RTKN2: variants seen among roughly 807,000 people sequenced by gnomAD.
The protein encoded by RTKN2 is rhotekin-2.
Under a neutral mutation model 71.5 loss-of-function variants are expected in RTKN2, and 69 were observed. That is an observed-to-expected ratio of 0.96 (90% CI 0.79 to 1.18). RTKN2 has a LOEUF of 1.18. RTKN2 is among the 50% of genes most tolerant of loss of function. The probability of loss-of-function intolerance (pLI) is 0.00; values close to 1 mark genes in which losing one functional copy is unlikely to be tolerated. For missense variants in RTKN2, 724 were observed against 719.7 expected (o/e 1.01, Z -0.07); for synonymous variants, 236 against 236.5 (o/e 1.00, Z 0.02).
chr10:62,213,940 A>T (rs1045269578), intron 9 of RTKN2, among the ~76,000 whole-genome samples: 3 of 152,040 alleles, frequency 2.0e-5, no homozygotes, highest in Admixed American at 1.3e-4. Flanking sequence ...TGACTGGGAT[A>T]GTGCTTGATT....
rs1034236336 is a variant in RTKN2, at chr10:62,195,933, C to G, written c.*1975G>C. On this transcript the variant is annotated 3_prime_UTR_variant, in exon 12 of 12. Coordinates refer to ENST00000373789, the MANE Select transcript of RTKN2 (RefSeq NM_145307.4). ...TAGGTAATTTCTGTATGAATACTTTCTTTTTCTTATACACCTTAAGTCCTT... is the reference window on the plus strand; with the variant it reads ...TAGGTAATTTCTGTATGAATACTTTGTTTTTCTTATACACCTTAAGTCCTT... 6 of 985,150 alleles carry G rather than the reference C, an allele frequency of 6.1e-6. No homozygotes were observed. The South Asian group carries it at 2.3e-4, about 39-fold the overall frequency. The allele number at this position is 985,150 out of a possible 1,614,324, so 61.0% of individuals were successfully genotyped here.
chr10:62,237,528 T>C (rs1439083073), intron 5 of RTKN2, among the ~76,000 whole-genome samples: 1 of 151,944 alleles, frequency 6.6e-6, no homozygotes. Context: ...CCCTGGTCAT[T>C]TTGTTGCCAA....
chr10:62,225,433 A>C (rs1037156698), intron 6 of RTKN2, among the ~76,000 whole-genome samples: 3 of 152,230 alleles, frequency 2.0e-5, no homozygotes, highest in Admixed American at 2.0e-4. Context: ...GTCTCTACAC[A>C]AATCAAAGTT....
chr10:62,190,173 C>A (rs543047581), downstream of RTKN2, among the ~76,000 whole-genome samples: 10 of 152,186 alleles, frequency 6.6e-5, no homozygotes, highest in South Asian at 2.1e-3. Flanking sequence ...GGCTTTAATG[C>A]AAAGGAATAC....
intron 4 of RTKN2, 101 bp downstream of exon 4, chr10:62,241,041 A>G (rs1268235495): frequency 3.1e-6 from 2 of 637,526 alleles, no homozygotes; most frequent in South Asian, 2.0e-5. Context: ...CTTTCAAATG[A>G]CATCAATTTA....
chr10:62,195,069 G>A lies in RTKN2; in HGVS notation c.*2839C>T, dbSNP rs907011088. On this transcript the variant is annotated 3_prime_UTR_variant, in exon 12 of 12. Coordinates refer to ENST00000373789, the MANE Select transcript of RTKN2 (RefSeq NM_145307.4). ...CCTTGCAAGATATTAAAATACAAAA[G>A]TTACCACTTAGTAGCAATTAAAAAT... 1.0e-6 allele frequency: 1 copy of A among 984,414 alleles called. No individual in the cohort carries two copies. The highest frequency in any genetic ancestry group is 1.2e-6 in the Non-Finnish European group (1 of 829,028). The allele number at this position is 984,414 out of a possible 1,614,324, so 61.0% of individuals were successfully genotyped here. A position where few individuals can be genotyped will look rare whatever the true frequency, so the allele number is the denominator to read the frequency against.
At position 62,233,947 on chromosome 10, in the gene RTKN2, A is replaced by C. The variant is rs906169686; in HGVS notation, c.686+2119T>G. Among the ~76,000 whole-genome samples the C allele has an allele frequency of 5.3e-5, 8 of 152,230 alleles. No homozygotes were observed. In the East Asian group the frequency reaches 7.7e-4, roughly 15 times the overall value. ...ATTCTAGGAATGCAGCTTGATCAAC[A>C]GTGTTCCAAAGAAACATCAACATAA... On this transcript the variant is annotated intron_variant, in intron 6 of 11. Coordinates refer to ENST00000373789, the MANE Select transcript of RTKN2 (RefSeq NM_145307.4).
chr10:62,235,249 T>C (rs560815117), intron 6 of RTKN2, among the ~76,000 whole-genome samples: 3 of 152,264 alleles, frequency 2.0e-5, no homozygotes, highest in South Asian at 2.1e-4. Flanking sequence ...TTTTCCAGAA[T>C]TGGGCAATAT....
rs1841342309 is a variant in RTKN2 at position 62,196,876 on chromosome 10, TGTTTGG to T, written c.*1026_*1031del. On this transcript the variant is annotated 3_prime_UTR_variant, in exon 12 of 12. Coordinates refer to ENST00000373789, the MANE Select transcript of RTKN2 (RefSeq NM_145307.4). ...TATTCCTCACTTGACTTTATAATCC[TGTTTGG>T]GTCACTATGATTAGTTGCTATGGAA... 1 of 983,064 alleles carries T rather than the reference TGTTTGG, an allele frequency of 1.0e-6. No individual in the cohort carries two copies. Among genetic ancestry groups the T allele is most frequent in the South Asian group, 4.7e-5 (1 of 21,246 alleles). The allele number at this position is 983,064 out of a possible 1,614,324, so 60.9% of individuals were successfully genotyped here. A position where few individuals can be genotyped will look rare whatever the true frequency, so the allele number is the denominator to read the frequency against.
chr10:62,229,529 G>A (rs1273828552), intron 6 of RTKN2, among the ~76,000 whole-genome samples: 1 of 152,108 alleles, frequency 6.6e-6, no homozygotes, highest in Non-Finnish European at 1.5e-5. Flanking sequence ...ACACTTTTGG[G>A]TTTTATTTTT....
rs544766808 is a variant in RTKN2 at position 62,259,209 on chromosome 10, G to A, written c.257+3416C>T. 63 of 452,870 alleles carry A rather than the reference G, an allele frequency of 1.4e-4. No individual in the cohort carries two copies. In the Middle Eastern group the frequency reaches 1.9e-3, roughly 14 times the overall value. 28.1% of individuals were successfully genotyped at this position (452,870 alleles called of 1,614,324 possible). Reference sequence around the variant, plus strand: ...TAAGAGATGACTTTGCTTCTCCTTCGCCTTCTGCCATGACTATGAGGCCTC... The same window carrying A: ...TAAGAGATGACTTTGCTTCTCCTTCACCTTCTGCCATGACTATGAGGCCTC... On this transcript the variant is annotated intron_variant, in intron 2 of 11. Coordinates refer to ENST00000373789, the MANE Select transcript of RTKN2 (RefSeq NM_145307.4).
intron 7 of RTKN2, 72 bp from the exon 8 acceptor site, chr10:62,218,373 G>T (rs1841826364): frequency 3.9e-6 from 4 of 1,019,010 alleles, no homozygotes; most frequent in Admixed American, 2.3e-5. Context: ...CATACATTTT[G>T]ATTTTTCTCT....
chr10:62,250,494 C>T (rs900510740), intron 2 of RTKN2, among the ~76,000 whole-genome samples: 1 of 152,176 alleles, frequency 6.6e-6, no homozygotes, highest in African/African-American at 2.4e-5. Flanking sequence ...AAAAAACATT[C>T]TTGAACTAAG....
chr10:62,187,235 T>C (rs3125731), intron 8 of RTKN2, among the ~76,000 whole-genome samples: 137,145 of 151,376 alleles, frequency 0.91, 62,251 homozygotes, highest in East Asian at 1. Flanking sequence ...GCTTTGTTCT[T>C]GTAAGTGACT....
At chr10:62,259,834 G>C (rs942173259) in intron 2 of RTKN2, among the ~76,000 whole-genome samples, 1 of 152,130 alleles carries the variant, frequency 6.6e-6, no homozygotes, top group Non-Finnish European at 1.5e-5. Flanking sequence ...TTACAGGTGT[G>C]AACCACTTCA....
At chr10:62,183,968 A>G (rs189248385) in exon 9 of RTKN2, 1 of 178,958 alleles carries the variant, frequency 5.6e-6, no homozygotes, top group Admixed American at 6.2e-5. Context: ...TGGGTGGATT[A>G]GTTGAGTAAC....
chr10:62,245,885 T>C (rs909669675), intron 3 of RTKN2, 114 bp downstream of exon 3: 6 of 656,602 alleles, frequency 9.1e-6, no homozygotes, highest in South Asian at 4.0e-5. Flanking sequence ...AATATTCTGA[T>C]AGAGGTATGA....
At chr10:62,203,147 C>T (rs915842173) in intron 10 of RTKN2, among the ~76,000 whole-genome samples, 3 of 151,446 alleles carry the variant, frequency 2.0e-5, no homozygotes, top group Admixed American at 6.6e-5. Flanking sequence ...GCAAGAAGAG[C>T]GAAACTCCAT....
chr10:62,257,968 C>G (rs868345972), intron 2 of RTKN2, among the ~76,000 whole-genome samples: 26 of 152,236 alleles, frequency 1.7e-4, no homozygotes, highest in African/African-American at 5.8e-4. Flanking sequence ...TTGGCTTGTT[C>G]AAGCATAAAG....
Sources: gnomAD v4.1 joint callset for allele counts (sites outside exome capture counted in the v4.1 genomes callset) on GRCh38, gnomAD v4.1.1 for gene constraint, MANE v1.5 for transcripts, NCBI Gene and HGNC (gene_info 2026-07-23, HGNC 2026-07-21) for gene names.